The following CCDC148 variants were observed in gnomAD, a reference collection of about 807,000 sequenced individuals.
The protein encoded by CCDC148 is coiled-coil domain-containing protein 148.
CCDC148 carries 89 observed loss-of-function variants against 85.7 expected under a neutral mutation model. The observed-to-expected ratio is 1.04, with a 90% CI of 0.87 to 1.24. CCDC148 has a LOEUF of 1.24. Among genes scored for constraint, CCDC148 ranks in the 50% most tolerant of loss-of-function variants. The pLI, the probability that CCDC148 is intolerant of heterozygous loss-of-function variation, is 0.00. For missense variants in CCDC148, 692 were observed against 671.7 expected (o/e 1.03, Z -0.33); for synonymous variants, 230 against 213.9 (o/e 1.08, Z -0.66).
intron 2 of CCDC148, among the ~76,000 whole-genome samples, chr2:158,348,192 T>C (rs1379957675): frequency 1.3e-5 from 2 of 152,080 alleles, no homozygotes; most frequent in African/African-American, 2.4e-5. Flanking sequence ...TGCAGTACCA[T>C]TTGTAATAGA....
At chr2:158,372,533 G>A (rs1456049516) in intron 1 of CCDC148, among the ~76,000 whole-genome samples, 1 of 151,910 alleles carries the variant, frequency 6.6e-6, no homozygotes, top group Non-Finnish European at 1.5e-5. Context: ...ACACAATTTG[G>A]GAGTCTACTT....
At chr2:158,454,268 G>C (rs557327167) in intron 1 of CCDC148, among the ~76,000 whole-genome samples, 1 of 152,202 alleles carries the variant, frequency 6.6e-6, no homozygotes, top group Non-Finnish European at 1.5e-5. Flanking sequence ...TGGTAGGGTA[G>C]AAGGAAGGTG....
At chr2:158,406,911 C>T (rs1159676627) in intron 1 of CCDC148, among the ~76,000 whole-genome samples, 2 of 152,018 alleles carry the variant, frequency 1.3e-5, no homozygotes, top group African/African-American at 4.8e-5. Flanking sequence ...GTGTGAGCCA[C>T]CACGCTCAGC....
At chr2:158,377,538 A>G (rs1306290646) in intron 1 of CCDC148, among the ~76,000 whole-genome samples, 1 of 152,112 alleles carries the variant, frequency 6.6e-6, no homozygotes, top group African/African-American at 2.4e-5. Flanking sequence ...GGTGGCAGTA[A>G]ATTAACTCTC....
At chr2:158,179,999 C>T (rs2105262497) in intron 11 of CCDC148, among the ~76,000 whole-genome samples, 1 of 152,316 alleles carries the variant, frequency 6.6e-6, no homozygotes, top group Middle Eastern at 3.4e-3. Context: ...CCTCCCTTGC[C>T]ATCTCCTTGC....
chr2:158,327,377 T>C (rs1692833502), intron 7 of CCDC148, among the ~76,000 whole-genome samples: 1 of 152,198 alleles, frequency 6.6e-6, no homozygotes, highest in African/African-American at 2.4e-5. Flanking sequence ...TATGACTACA[T>C]ATTATATGAC....
In CCDC148 at chr2:158,236,910, C is replaced by T. The variant is rs115139858; in HGVS notation, c.1251+13862G>A. The stretch of plus-strand genomic sequence containing the variant: ...TTCTAGAAGTGGGAGTGAAGATAGT[C>T]AATAAATAGATGTCGGGAGTGACAA... On this transcript the variant is annotated intron_variant, in intron 10 of 13. Transcript: ENST00000283233. 8.2e-3 allele frequency among the ~76,000 whole-genome samples: 1,253 copies of T among 152,150 alleles called. 18 individuals carry two copies. Among genetic ancestry groups the T allele is most frequent in the African/African-American group, 0.029 (1,206 of 41,494 alleles).
chr2:158,215,619 T>C (rs962805082), intron 11 of CCDC148, among the ~76,000 whole-genome samples: 2 of 152,190 alleles, frequency 1.3e-5, no homozygotes, highest in African/African-American at 2.4e-5. Flanking sequence ...TATGTATACA[T>C]GTGCCACGTT....
chr2:158,370,864 A>G (rs543229777), intron 1 of CCDC148, among the ~76,000 whole-genome samples: 3 of 151,998 alleles, frequency 2.0e-5, no homozygotes, highest in African/African-American at 4.8e-5. Context: ...CTGTAAAAAA[A>G]AAAAACTACC....
intron 1 of CCDC148, among the ~76,000 whole-genome samples, chr2:158,363,185 A>T (rs138707377): frequency 0.41 from 61,528 of 151,898 alleles, 13,130 homozygotes; most frequent in South Asian, 0.61. Context: ...CCTATCAACC[A>T]AAAAAAAGTC....
At chr2:158,284,159 A>C (rs1301076618) in intron 9 of CCDC148, among the ~76,000 whole-genome samples, 1 of 151,126 alleles carries the variant, frequency 6.6e-6, no homozygotes, top group Admixed American at 6.6e-5. Flanking sequence ...TAGCATTGGG[A>C]GATATACCTA....
At chr2:158,303,062 AAG>A (rs1466808785) in intron 9 of CCDC148, among the ~76,000 whole-genome samples, 6 of 152,288 alleles carry the variant, frequency 3.9e-5, no homozygotes, top group African/African-American at 1.4e-4. Context: ...GAGACAGAGA[AAG>A]AGAGCACGAG....
At chr2:158,405,941 T>C (rs893415009) in intron 1 of CCDC148, among the ~76,000 whole-genome samples, 6 of 152,130 alleles carry the variant, frequency 3.9e-5, no homozygotes, top group Non-Finnish European at 7.3e-5. Context: ...GATTCTGGAA[T>C]GATTTCTATG....
At chr2:158,232,688 T>C (rs1367674854) in intron 10 of CCDC148, among the ~76,000 whole-genome samples, 1 of 152,184 alleles carries the variant, frequency 6.6e-6, no homozygotes, top group Non-Finnish European at 1.5e-5. Context: ...CAGAAGGAAG[T>C]CATAACACTT....
At chr2:158,288,010 G>A (rs1031869046) in intron 9 of CCDC148, among the ~76,000 whole-genome samples, 1 of 152,196 alleles carries the variant, frequency 6.6e-6, no homozygotes, top group East Asian at 1.9e-4. Flanking sequence ...GCACCCGCAG[G>A]CTTAAACATT....
chr2:158,247,534 C>G (rs934950116), intron 10 of CCDC148, among the ~76,000 whole-genome samples: 2 of 152,116 alleles, frequency 1.3e-5, no homozygotes, highest in Non-Finnish European at 2.9e-5. Flanking sequence ...TGGATAAATG[C>G]TAGCTCACTT....
At chr2:158,278,147 C>A (rs1032146815) in intron 9 of CCDC148, among the ~76,000 whole-genome samples, 1 of 151,930 alleles carries the variant, frequency 6.6e-6, no homozygotes, top group African/African-American at 2.4e-5. Context: ...CCGGAGGAGC[C>A]AAGATGGCCG....
At chr2:158,338,521 T>C (rs1682503889) in intron 7 of CCDC148, 2 of 459,790 alleles carry the variant, frequency 4.3e-6, no homozygotes, top group African/African-American at 2.1e-5. Flanking sequence ...GTCTTAACCT[T>C]ATAAAAATCT....
chr2:158,324,946 CCTCCACTTGTGTACTAAATCCCAA>C (rs1337290025), intron 7 of CCDC148, among the ~76,000 whole-genome samples: 2 of 152,054 alleles, frequency 1.3e-5, no homozygotes, highest in African/African-American at 4.8e-5. Flanking sequence ...TGTGCTTATT[CCTCCACTTGTGTACTAAATCCCAA>C]CTCTCCTTAC....
Sources: allele counts gnomAD v4.1 joint callset (sites outside exome capture counted in the v4.1 genomes callset), GRCh38; gene constraint gnomAD v4.1.1; transcripts MANE v1.5; gene names NCBI Gene and HGNC (gene_info 2026-07-23, HGNC 2026-07-21).